Variants in TFPI observed in about 807,000 individuals in gnomAD.
The protein encoded by TFPI is anti-convertin.
Under a neutral mutation model 34.6 loss-of-function variants are expected in TFPI, and 15 were observed. That is an observed-to-expected ratio of 0.43 (90% CI 0.29 to 0.67). TFPI has a LOEUF of 0.67. Ranked by LOEUF, TFPI falls within the 30% of genes least tolerant of loss-of-function variation. The pLI, the probability that TFPI is intolerant of heterozygous loss-of-function variation, is 0.15. For synonymous variants in TFPI, 105 were observed against 120.1 expected (o/e 0.87, Z 0.82); for missense variants, 301 against 364.0 (o/e 0.83, Z 1.41).
At chr2:187,483,976 T>G in intron 6 of TFPI, 148 bp downstream of exon 6, 1 of 665,350 alleles carries the variant, frequency 1.5e-6, no homozygotes, top group African/African-American at 1.9e-5. Flanking sequence ...TCTTAAACAA[T>G]TTGAATCTCA....
chr2:187,551,711 A>G (rs1412586454), intron 1 of TFPI, among the ~76,000 whole-genome samples: 7 of 152,186 alleles, frequency 4.6e-5, no homozygotes, highest in Non-Finnish European at 8.8e-5. Flanking sequence ...CCAGAAACAC[A>G]TGTCTATTGA....
intron 6 of TFPI, among the ~76,000 whole-genome samples, chr2:187,471,440 A>C: frequency 6.6e-6 from 1 of 152,318 alleles, no homozygotes; most frequent in Middle Eastern, 3.4e-3. Flanking sequence ...CTACAATGAA[A>C]GAAAATATAA....
In TFPI at chr2:187,465,336, T is replaced by G. The variant is rs1335271101; in HGVS notation, c.*1600A>C. ...CCTAGGTAACGTGGTGAAACTCGTC[T>G]CTACAAAAATTACATAAATTAGCTG... is the stretch of plus-strand genomic sequence containing the variant. On this transcript the variant is annotated 3_prime_UTR_variant, in exon 8 of 8. Coordinates refer to ENST00000233156, the MANE Select transcript of TFPI (RefSeq NM_006287.6). 6.6e-6 allele frequency: 1 copy of G among 151,638 alleles called. No homozygotes were observed. Among genetic ancestry groups the G allele is most frequent in the Non-Finnish European group, 1.5e-5 (1 of 67,896 alleles). The allele number at this position is 151,638 out of a possible 1,614,324, so 9.4% of individuals were successfully genotyped here.
chr2:187,503,439 T>C (rs1685982991), intron 2 of TFPI, among the ~76,000 whole-genome samples: 1 of 148,096 alleles, frequency 6.8e-6, no homozygotes, highest in African/African-American at 2.5e-5. Context: ...GGTTTCGGAC[T>C]GTTTAAAACA....
chr2:187,496,408 A>G (rs1450424702), intron 3 of TFPI, among the ~76,000 whole-genome samples: 1 of 152,098 alleles, frequency 6.6e-6, no homozygotes, highest in Non-Finnish European at 1.5e-5. Context: ...TCTTCTGCCA[A>G]CTGAGATTAC....
In TFPI at chr2:187,464,283, G is replaced by A. The variant is rs953141571; in HGVS notation, c.*2653C>T. 1.3e-5 allele frequency: 2 copies of A among 152,002 alleles called. No homozygotes were observed. The highest frequency in any genetic ancestry group is 4.8e-5 in the African/African-American group (2 of 41,386). The allele number at this position is 152,002 out of a possible 1,614,324, so 9.4% of individuals were successfully genotyped here. ...TTCTTATAATGTAAAAAATATAATC[G>A]TTTGAGTGGTTTTCAGCATGATCTG... On this transcript the variant is annotated 3_prime_UTR_variant, in exon 8 of 8. Coordinates refer to ENST00000233156, the MANE Select transcript of TFPI (RefSeq NM_006287.6).
chr2:187,470,822 G>A (rs180848585), intron 6 of TFPI, among the ~76,000 whole-genome samples: 39 of 152,274 alleles, frequency 2.6e-4, no homozygotes, highest in Middle Eastern at 3.4e-3. Context: ...TGAATCAGAG[G>A]GTGTCTGGCA....
At chr2:187,506,600 A>G (rs1026191442) in intron 1 of TFPI, among the ~76,000 whole-genome samples, 6 of 152,208 alleles carry the variant, frequency 3.9e-5, no homozygotes, top group African/African-American at 1.4e-4. Flanking sequence ...CTTGGCTGTG[A>G]CAGTTTCTCA....
intron 1 of TFPI, among the ~76,000 whole-genome samples, chr2:187,553,782 T>A (rs1689177535): frequency 6.6e-6 from 1 of 152,168 alleles, no homozygotes; most frequent in Non-Finnish European, 1.5e-5. Flanking sequence ...TATTGAAAGA[T>A]TATTTGAATA....
intron 2 of TFPI, 96 bp from the exon 3 acceptor site, chr2:187,497,174 A>C (rs1685542442): frequency 9.0e-7 from 1 of 1,114,176 alleles, no homozygotes; most frequent in Non-Finnish European, 1.3e-6. Flanking sequence ...TTTTAAGGAA[A>C]AGTACAATAA....
chr2:187,541,103 CCA>C (rs929067893), intron 1 of TFPI, among the ~76,000 whole-genome samples: 4 of 151,912 alleles, frequency 2.6e-5, no homozygotes, highest in African/African-American at 9.7e-5. Flanking sequence ...CAAATACTTA[CCA>C]CACACACTCA....
At chr2:187,497,508 A>G (rs1055999219) in intron 2 of TFPI, among the ~76,000 whole-genome samples, 1 of 152,030 alleles carries the variant, frequency 6.6e-6, no homozygotes, top group African/African-American at 2.4e-5. Flanking sequence ...ATACACACAC[A>G]TATGTATATA....
intron 1 of TFPI, chr2:187,544,725 C>T (rs1308854228): frequency 1.3e-5 from 2 of 151,768 alleles, no homozygotes; most frequent in African/African-American, 2.4e-5. Flanking sequence ...TTCTGGAGAA[C>T]TACTTGATGA....
intron 1 of TFPI, among the ~76,000 whole-genome samples, chr2:187,541,481 T>C (rs1174655596): frequency 2.6e-5 from 4 of 152,112 alleles, no homozygotes; most frequent in Non-Finnish European, 1.5e-5. Context: ...TGAGGCAGTT[T>C]GAGTTTGAAG....
rs190991197 is a variant in TFPI, at chr2:187,486,030, A to T, written c.359-1043T>A. The stretch of plus-strand genomic sequence containing the variant: ...GCAACAGTTGCAGATCTGCAAAAGA[A>T]CAAACTCCTTATTGAAAAGTTATTT... On this transcript the variant is annotated intron_variant, in intron 4 of 7. Coordinates refer to ENST00000233156, the MANE Select transcript of TFPI (RefSeq NM_006287.6). Among the ~76,000 whole-genome samples the T allele has an allele frequency of 4.0e-5, 6 of 151,744 alleles. No homozygotes were observed. In the East Asian group the frequency reaches 1.2e-3, roughly 29 times the overall value.
chr2:187,550,880 G>A (rs1689071531), intron 1 of TFPI, among the ~76,000 whole-genome samples: 2 of 152,048 alleles, frequency 1.3e-5, no homozygotes, highest in African/African-American at 4.8e-5. Context: ...CTTGGGAAAT[G>A]AGGAATGAGG....
At chr2:187,534,038 G>A (rs187455538) in intron 1 of TFPI, among the ~76,000 whole-genome samples, 1 of 152,008 alleles carries the variant, frequency 6.6e-6, no homozygotes, top group East Asian at 1.9e-4. Flanking sequence ...GAAAAGGAAT[G>A]AAGAAAGCCT....
chr2:187,532,336 C>T (rs1205954840), intron 1 of TFPI, among the ~76,000 whole-genome samples: 1 of 152,194 alleles, frequency 6.6e-6, no homozygotes, highest in Non-Finnish European at 1.5e-5. Flanking sequence ...CCAGTGAGAT[C>T]AATGCAGAAG....
At chr2:187,473,619 A>T (rs2105964619) in intron 6 of TFPI, among the ~76,000 whole-genome samples, 1 of 152,204 alleles carries the variant, frequency 6.6e-6, no homozygotes, top group South Asian at 2.1e-4. Context: ...AAGCCTAGAG[A>T]TTAGAGATTG....
Sources: gnomAD v4.1 joint callset for allele counts (sites outside exome capture counted in the v4.1 genomes callset) on GRCh38, gnomAD v4.1.1 for gene constraint, MANE v1.5 for transcripts, NCBI Gene and HGNC (gene_info 2026-07-23, HGNC 2026-07-21) for gene names.